BCAP29: variants seen among roughly 807,000 people sequenced by gnomAD.
BCAP29 encodes the protein B-cell receptor-associated protein 29.
A neutral mutation model predicts 31.8 loss-of-function variants in BCAP29; 34 were observed. That is an observed-to-expected ratio of 1.07 (90% CI 0.81 to 1.42). BCAP29 has a LOEUF of 1.42. Ranked by LOEUF, BCAP29 falls within the 40% of genes most tolerant of loss-of-function variation. BCAP29 has a pLI of 0.00. For missense variants in BCAP29, 314 were observed against 269.2 expected (o/e 1.17, Z -1.16); for synonymous variants, 104 against 91.3 (o/e 1.14, Z -0.79).
chr7:107,581,773 T>C (rs1000909461), intron 2 of BCAP29, among the ~76,000 whole-genome samples: 7 of 152,214 alleles, frequency 4.6e-5, no homozygotes, highest in Non-Finnish European at 2.9e-5. Flanking sequence ...ACTTGCTCCT[T>C]ACCTGCCTGG....
At chr7:107,594,693 A>G (rs1168618709) in intron 4 of BCAP29, among the ~76,000 whole-genome samples, 1 of 151,890 alleles carries the variant, frequency 6.6e-6, no homozygotes, top group African/African-American at 2.4e-5. Context: ...CAGTAGAGAC[A>G]GGGTTTCACT....
At chr7:107,605,274 C>A (rs773066846) in intron 6 of BCAP29, among the ~76,000 whole-genome samples, 1 of 152,126 alleles carries the variant, frequency 6.6e-6, no homozygotes, top group Non-Finnish European at 1.5e-5. Context: ...GCAAACATAA[C>A]GATATCTACC....
In BCAP29 at chr7:107,600,458, T is replaced by C; in HGVS notation, c.542T>C (p.Val181Ala). ...TTGGAAGCAGAAAATAAAAAACTAG[T>C]AGAAGACCAGGAGAAACTGAAAACT... The part of the protein sequence containing the change: ...CVLEAENKKL[V>A]EDQEKLKTEL... The change falls in exon 6 of 8, where the codon GTA (valine) becomes GCA (alanine). Residue 181 changes from valine (V) to alanine (A), a missense_variant. Physicochemically the swap from Val to Ala is moderately conservative, Grantham distance 64. Coordinates refer to ENST00000005259, the MANE Select transcript of BCAP29 (RefSeq NM_018844.4). The C allele has an allele frequency of 1.2e-6, 2 of 1,611,184 alleles. No individual in the cohort carries two copies. The highest frequency in any genetic ancestry group is 1.7e-6 in the Non-Finnish European group (2 of 1,178,304).
At chr7:107,586,850 C>A (rs79320103) in intron 3 of BCAP29, among the ~76,000 whole-genome samples, 1 of 151,688 alleles carries the variant, frequency 6.6e-6, no homozygotes, top group African/African-American at 2.4e-5. Flanking sequence ...GCTGCAGCCT[C>A]CCAAGTAGCT....
At chr7:107,584,181 G>T (rs947955095) in intron 3 of BCAP29, among the ~76,000 whole-genome samples, 199 bp downstream of exon 3, 2 of 152,132 alleles carry the variant, frequency 1.3e-5, no homozygotes, top group Non-Finnish European at 1.5e-5. Context: ...TTTCAACAGG[G>T]CACAATGATT....
At chr7:107,603,682 T>C (rs1337291866) in intron 6 of BCAP29, among the ~76,000 whole-genome samples, 2 of 150,320 alleles carry the variant, frequency 1.3e-5, no homozygotes, top group African/African-American at 4.9e-5. Context: ...CTTGGCTTAC[T>C]GCAACCTCGA....
chr7:107,596,835 C>G (rs1045013637), intron 5 of BCAP29, among the ~76,000 whole-genome samples: 1 of 152,162 alleles, frequency 6.6e-6, no homozygotes, highest in Non-Finnish European at 1.5e-5. Context: ...ACTTTTGCAA[C>G]TTTTCTCTTG....
intron 2 of BCAP29, among the ~76,000 whole-genome samples, chr7:107,581,745 A>G (rs1023894960): frequency 1.1e-4 from 17 of 152,314 alleles, no homozygotes; most frequent in African/African-American, 3.6e-4. Flanking sequence ...GGGTCCAGAT[A>G]GTCTTTCACA....
chr7:107,585,380 A>T (rs1807459098), intron 3 of BCAP29, among the ~76,000 whole-genome samples: 1 of 152,182 alleles, frequency 6.6e-6, no homozygotes, highest in Non-Finnish European at 1.5e-5. Flanking sequence ...AGATGTAAAT[A>T]TTTGTCTCAT....
chr7:107,615,377 C>G (rs1264733793), intron 7 of BCAP29: 1 of 455,492 alleles, frequency 2.2e-6, no homozygotes, highest in Non-Finnish European at 4.4e-6. Context: ...CTGAGGCGGG[C>G]GGATCATGGG....
chr7:107,580,378 C>G (rs1806360651), intron 1 of BCAP29, 77 bp downstream of exon 1: 1 of 173,798 alleles, frequency 5.8e-6, no homozygotes, highest in Middle Eastern at 2.2e-3. Flanking sequence ...TCTGGAGAAC[C>G]CCGCGGAGCT....
chr7:107,618,722 T>A lies in BCAP29; in HGVS notation c.*359T>A, dbSNP rs1814623117. The A allele has an allele frequency of 2.6e-6, 2 of 778,528 alleles. No individual in the cohort carries two copies. Among genetic ancestry groups the A allele is most frequent in the East Asian group, 5.4e-5 (2 of 36,778 alleles). The allele number at this position is 778,528 out of a possible 1,614,324, so 48.2% of individuals were successfully genotyped here. A position where few individuals can be genotyped will look rare whatever the true frequency, so the allele number is the denominator to read the frequency against. Reference sequence around the variant, plus strand: ...AAACCATTAATAGCCTTGAAAGCTTTGATAAGTTTTCAGTAATAATAACCT... The same window carrying A: ...AAACCATTAATAGCCTTGAAAGCTTAGATAAGTTTTCAGTAATAATAACCT... On this transcript the variant is annotated 3_prime_UTR_variant, in exon 8 of 8. Coordinates refer to ENST00000005259, the MANE Select transcript of BCAP29 (RefSeq NM_018844.4).
chr7:107,602,567 T>A (rs1239768984), intron 6 of BCAP29, among the ~76,000 whole-genome samples: 1 of 152,202 alleles, frequency 6.6e-6, no homozygotes, highest in Non-Finnish European at 1.5e-5. Flanking sequence ...AAGCAATTTT[T>A]TTTTTTAGAG....
chr7:107,595,727 A>G lies in BCAP29; in HGVS notation c.345-140A>G, dbSNP rs1585108996. The G allele has an allele frequency of 1.4e-5, 12 of 865,182 alleles. No individual in the cohort carries two copies. The East Asian group carries it at 3.5e-4, about 25-fold the overall frequency. The allele number at this position is 865,182 out of a possible 1,614,324, so 53.6% of individuals were successfully genotyped here. On this transcript the variant is annotated intron_variant, in intron 4 of 7. Transcript: ENST00000005259. ...GTTTTTACTAAGAGACTTGAATTAA[A>G]AAAAGAATAATGGGTTCTGCCTAAA...
intron 3 of BCAP29, chr7:107,587,920 A>G (rs1275129372): frequency 6.6e-6 from 1 of 152,178 alleles, no homozygotes; most frequent in Non-Finnish European, 1.5e-5. Flanking sequence ...TAGAATTTAA[A>G]CTTCAAATTG....
At chr7:107,590,822 A>C (rs996537768) in intron 3 of BCAP29, among the ~76,000 whole-genome samples, 2 of 145,958 alleles carry the variant, frequency 1.4e-5, no homozygotes, top group African/African-American at 5.2e-5. Flanking sequence ...CTGTCTCAGA[A>C]AAAAAAAAAA....
intron 6 of BCAP29, among the ~76,000 whole-genome samples, chr7:107,604,038 A>G (rs573351379): frequency 1.3e-5 from 2 of 152,308 alleles, no homozygotes; most frequent in South Asian, 4.1e-4. Flanking sequence ...TTCTTAAAGC[A>G]TATACTAACA....
chr7:107,595,858 T>G lies in BCAP29; in HGVS notation c.345-9T>G, dbSNP rs779961282. On this transcript the variant is annotated splice_polypyrimidine_tract_variant and intron_variant, in intron 4 of 7. Transcript: ENST00000005259. ...GCCAGTAATACATTATTCTGGTTTT[T>G]TTTCTTAGAGTTTTGAGACGTCTGG... is the stretch of plus-strand genomic sequence containing the variant. 1 of 1,592,192 alleles carries G rather than the reference T, an allele frequency of 6.3e-7. No homozygotes were observed. Among genetic ancestry groups the G allele is most frequent in the Non-Finnish European group, 8.5e-7 (1 of 1,174,480 alleles).
At position 107,595,894 on chromosome 7, in the gene BCAP29, TACTCAACTGGCA is replaced by T. The variant is rs769291108; in HGVS notation, c.374_385del (p.Thr125_Ala128del). 8.1e-6 allele frequency: 13 copies of T among 1,603,936 alleles called. No individual in the cohort carries two copies. The highest frequency in any genetic ancestry group is 1.0e-5 in the Non-Finnish European group (12 of 1,177,096). The stretch of plus-strand genomic sequence containing the variant: ...TTTTGAGACGTCTGGTTACGCTTAT[TACTCAACTGGCA>T]AAAGAACTGTCAAACAAAGGTGTAC... On this transcript the variant is annotated inframe_deletion, in exon 5 of 8. Transcript: ENST00000005259.
Sources: gnomAD v4.1 joint callset for allele counts (sites outside exome capture counted in the v4.1 genomes callset) on GRCh38, gnomAD v4.1.1 for gene constraint, MANE v1.5 for transcripts, NCBI Gene and HGNC (gene_info 2026-07-23, HGNC 2026-07-21) for gene names.